UPB1: variants seen among roughly 807,000 people sequenced by gnomAD.
UPB1 encodes the protein beta-ureidopropionase 1.
UPB1 carries 40 observed loss-of-function variants against 49.1 expected under a neutral mutation model. The observed-to-expected ratio is 0.81, with a 90% CI of 0.63 to 1.06. The LOEUF is 1.06. Ranked by LOEUF, UPB1 falls within the 50% of genes least tolerant of loss-of-function variation. UPB1 has a pLI of 0.00. For synonymous variants in UPB1, 207 were observed against 198.2 expected (o/e 1.04, Z -0.38); for missense variants, 499 against 505.9 (o/e 0.99, Z 0.13).
chr22:24,511,715 G>A (rs192675375), intron 4 of UPB1, among the ~76,000 whole-genome samples: 231 of 150,296 alleles, frequency 1.5e-3, no homozygotes, highest in Middle Eastern at 0.01. Context: ...CTGGGTTCAC[G>A]CCATTCTCCT....
chr22:24,499,061 G>A (rs964683936), intron 1 of UPB1, among the ~76,000 whole-genome samples: 5 of 152,166 alleles, frequency 3.3e-5, no homozygotes, highest in Non-Finnish European at 7.3e-5. Context: ...CTAACCTGCT[G>A]GAGTGAAGGG....
At chr22:24,519,986 A>G in intron 6 of UPB1, 1 of 291,350 alleles carries the variant, frequency 3.4e-6, no homozygotes, top group Non-Finnish European at 6.8e-6. Context: ...AACTCCTACC[A>G]CTTGGATCTT....
intron 3 of UPB1, among the ~76,000 whole-genome samples, chr22:24,505,610 C>G (rs1197560395): frequency 6.6e-6 from 1 of 152,248 alleles, no homozygotes; most frequent in Non-Finnish European, 1.5e-5. Context: ...TGAACCATCT[C>G]TGGAGGATGA....
In UPB1 at chr22:24,527,581, T is replaced by C. The variant is rs2044491881; in HGVS notation, c.*1787T>C. 1 of 151,810 alleles carries C rather than the reference T, an allele frequency of 6.6e-6. No individual in the cohort carries two copies. The highest frequency in any genetic ancestry group is 2.4e-5 in the African/African-American group (1 of 41,348). 9.4% of individuals were successfully genotyped at this position (151,810 alleles called of 1,614,324 possible). ...AGATTCTGTAATTCCCCGCTTATTG[T>C]TCCCAATCAGAGAAGGCAGCCAGAG... On this transcript the variant is annotated 3_prime_UTR_variant, in exon 10 of 10. Coordinates refer to ENST00000326010, the MANE Select transcript of UPB1 (RefSeq NM_016327.3).
At chr22:24,524,192 A>G (rs1601519458) in intron 9 of UPB1, among the ~76,000 whole-genome samples, 2 of 152,342 alleles carry the variant, frequency 1.3e-5, no homozygotes, top group East Asian at 3.9e-4. Flanking sequence ...GAAATGGGTC[A>G]TGCAGAGAAA....
chr22:24,502,632 T>G (rs1468387188), intron 3 of UPB1: 2 of 679,278 alleles, frequency 2.9e-6, no homozygotes, highest in Admixed American at 2.3e-5. Flanking sequence ...TTATCAGAGT[T>G]TTACATGCTC....
chr22:24,516,154 G>T (rs982920551), intron 6 of UPB1, among the ~76,000 whole-genome samples: 17 of 152,326 alleles, frequency 1.1e-4, no homozygotes, highest in African/African-American at 3.4e-4. Context: ...AGCTGCAAAT[G>T]AGGGAGTTGG....
At chr22:24,500,304 A>G (rs1361849917) in intron 2 of UPB1, 26 bp downstream of exon 2, 2 of 1,613,092 alleles carry the variant, frequency 1.2e-6, no homozygotes, top group Non-Finnish European at 1.7e-6. Flanking sequence ...ACCATAATAA[A>G]TACACAAACA....
chr22:24,506,760 G>A (rs1243936416), intron 3 of UPB1, among the ~76,000 whole-genome samples: 1 of 152,216 alleles, frequency 6.6e-6, no homozygotes, highest in Non-Finnish European at 1.5e-5. Flanking sequence ...TTAGTGGCAA[G>A]AATAATCCCT....
chr22:24,513,631 G>GTGC (rs770356421), intron 5 of UPB1, 146 bp downstream of exon 5: 3 of 1,182,416 alleles, frequency 2.5e-6, no homozygotes, highest in Non-Finnish European at 2.4e-6. Context: ...TGTGGCTGCA[G>GTGC]TGCTCAGAGG....
At chr22:24,524,470 AC>A (rs1201275766) in intron 9 of UPB1, among the ~76,000 whole-genome samples, 1 of 151,928 alleles carries the variant, frequency 6.6e-6, no homozygotes, top group African/African-American at 2.4e-5. Flanking sequence ...CCAACTCAGC[AC>A]CCCTTTTTCT....
rs767223788 is a variant in UPB1, at chr22:24,502,139, A to ATAGACGCATAAAGGCTATCG, written c.295_314dup (p.Glu105AspfsTer3). On this transcript the variant is annotated frameshift_variant, in exon 3 of 10. Transcript: ENST00000326010. LOFTEE classifies it high-confidence loss of function. Reference sequence around the variant, plus strand: ...TTAAATTCTCAGGTCTCTGCCCTTCATAGACGCATAAAGGCTATCGTAGAG... The same window carrying ATAGACGCATAAAGGCTATCG: ...TTAAATTCTCAGGTCTCTGCCCTTCATAGACGCATAAAGGCTATCGTAGACGCATAAAGGCTATCGTAGAG... The ATAGACGCATAAAGGCTATCG allele has an allele frequency of 1.2e-6, 2 of 1,614,224 alleles. No homozygotes were observed.
chr22:24,497,930 C>T (rs949992677), intron 1 of UPB1, among the ~76,000 whole-genome samples: 7 of 152,164 alleles, frequency 4.6e-5, no homozygotes, highest in African/African-American at 1.7e-4. Context: ...TGGTCTCACA[C>T]CAGGAAGAAG....
chr22:24,500,064 A>G (rs1286143829), intron 1 of UPB1, 43 bp from the exon 2 acceptor site: 2 of 1,612,886 alleles, frequency 1.2e-6, no homozygotes, highest in Admixed American at 3.3e-5. Flanking sequence ...AGTGGAGCAG[A>G]CTGCATCAAA....
chr22:24,502,579 C>T (rs769359929), intron 3 of UPB1: 2 of 766,502 alleles, frequency 2.6e-6, no homozygotes, highest in South Asian at 1.4e-5. Context: ...CCAGCCCCCC[C>T]ATCTAAACAT....
Position 24,525,859 on chromosome 22 carries a change from C to T in UPB1, c.*65C>T, listed in dbSNP as rs1478320403. 1.9e-6 allele frequency: 3 copies of T among 1,587,458 alleles called. No individual in the cohort carries two copies. Among genetic ancestry groups the T allele is most frequent in the East Asian group, 4.5e-5 (2 of 44,702 alleles). On this transcript the variant is annotated 3_prime_UTR_variant, in exon 10 of 10. Transcript: ENST00000326010. ...TGCCCCAGTGGATTAGCAAGTGTGGCAGGCTTAACATGTCCAGGTTCTCCC... is the reference window on the plus strand; with the variant it reads ...TGCCCCAGTGGATTAGCAAGTGTGGTAGGCTTAACATGTCCAGGTTCTCCC...
At chr22:24,508,373 A>C (rs2044130459) in intron 3 of UPB1, among the ~76,000 whole-genome samples, 1 of 152,150 alleles carries the variant, frequency 6.6e-6, no homozygotes, top group Non-Finnish European at 1.5e-5. Context: ...AGCCTGGCCA[A>C]CATGGTGAAA....
intron 9 of UPB1, 30 bp from the exon 10 acceptor site, chr22:24,525,681 C>A (rs892393801): frequency 1.2e-6 from 2 of 1,613,712 alleles, no homozygotes; most frequent in Non-Finnish European, 1.7e-6. Flanking sequence ...AAACCAGAAC[C>A]TCTAAAGTAC....
At chr22:24,506,536 A>G (rs5760464) in intron 3 of UPB1, among the ~76,000 whole-genome samples, 52 of 152,166 alleles carry the variant, frequency 3.4e-4, no homozygotes, top group Non-Finnish European at 6.0e-4. Flanking sequence ...GCCTCAGTGC[A>G]CCATCCTTGT....
Sources: gnomAD v4.1 joint callset for allele counts (sites outside exome capture counted in the v4.1 genomes callset) on GRCh38, gnomAD v4.1.1 for gene constraint, MANE v1.5 for transcripts, NCBI Gene and HGNC (gene_info 2026-07-23, HGNC 2026-07-21) for gene names.